Variants in PDE4B observed in about 807,000 individuals in gnomAD.
PDE4B encodes the protein 3',5'-cyclic-AMP phosphodiesterase 4B.
Under a neutral mutation model 82.2 loss-of-function variants are expected in PDE4B, and 20 were observed. That is an observed-to-expected ratio of 0.24 (90% CI 0.17 to 0.35). PDE4B has a LOEUF of 0.35. Among genes scored for constraint, PDE4B ranks in the 10% least tolerant of loss-of-function variants. The pLI is 1.00. For synonymous variants in PDE4B, 320 were observed against 318.9 expected, an observed-to-expected ratio of 1.00 and a Z score of -0.04; for missense variants, 655 against 907.2, an observed-to-expected ratio of 0.72 and a Z score of 3.57.
chr1:66,203,292 A>G (rs1451769566), intron 3 of PDE4B, among the ~76,000 whole-genome samples: 2 of 151,868 alleles, frequency 1.3e-5, no homozygotes, highest in Non-Finnish European at 2.9e-5. Flanking sequence ...TTTTTCCTTC[A>G]TTTCAACTTT....
intron 1 of PDE4B, among the ~76,000 whole-genome samples, chr1:65,823,513 G>A (rs1367916855): frequency 6.6e-6 from 1 of 151,172 alleles, no homozygotes. Flanking sequence ...TTTCCACTGC[G>A]CCTGCACTGG....
At chr1:65,938,959 C>T (rs943999066) in intron 3 of PDE4B, among the ~76,000 whole-genome samples, 1 of 151,918 alleles carries the variant, frequency 6.6e-6, no homozygotes, top group Admixed American at 6.6e-5. Context: ...AGATGGGAGC[C>T]GAGACAGAAA....
intron 3 of PDE4B, among the ~76,000 whole-genome samples, chr1:66,145,184 G>A (rs930541696): frequency 6.6e-6 from 1 of 152,174 alleles, no homozygotes; most frequent in Non-Finnish European, 1.5e-5. Flanking sequence ...GGAAGGTGAT[G>A]AGAAAACAAA....
At chr1:66,364,563 G>A (rs1006922348) in intron 12 of PDE4B, among the ~76,000 whole-genome samples, 4 of 152,156 alleles carry the variant, frequency 2.6e-5, no homozygotes, top group Admixed American at 2.6e-4. Flanking sequence ...TACAGATTCA[G>A]TTTGGAAGGT....
At chr1:65,868,181 A>G (rs2100284339) in intron 1 of PDE4B, among the ~76,000 whole-genome samples, 1 of 152,298 alleles carries the variant, frequency 6.6e-6, no homozygotes, top group Non-Finnish European at 1.5e-5. Flanking sequence ...CTCTGCTCCA[A>G]GCTGATTGCA....
At chr1:65,989,117 C>A (rs1557479883) in intron 3 of PDE4B, among the ~76,000 whole-genome samples, 1 of 152,048 alleles carries the variant, frequency 6.6e-6, no homozygotes, top group African/African-American at 2.4e-5. Flanking sequence ...GACTATATAA[C>A]TATTCAAATC....
chr1:66,372,553 G>GGA lies in PDE4B; in HGVS notation c.2090_2091dup (p.Gly698ArgfsTer14). ...AGATTCTGAAGGACCTGAGAAGGAG[G>GGA]GAGAGGGACACAGCTATTTCAGCAG... On this transcript the variant is annotated frameshift_variant, in exon 17 of 17. Coordinates refer to ENST00000341517, the MANE Select transcript of PDE4B (RefSeq NM_002600.4). LOFTEE classifies it high-confidence loss of function. 1 of 1,614,148 alleles carries GGA rather than the reference G, an allele frequency of 6.2e-7. No homozygotes were observed. Among genetic ancestry groups the GGA allele is most frequent in the Non-Finnish European group, 8.5e-7 (1 of 1,179,994 alleles).
intron 3 of PDE4B, among the ~76,000 whole-genome samples, chr1:65,999,480 T>TGG (rs1443396593): frequency 6.6e-6 from 1 of 152,184 alleles, no homozygotes; most frequent in East Asian, 1.9e-4. Context: ...TTCTTCTGCC[T>TGG]GGAAGAAAAG....
chr1:66,305,976 T>C (rs1205283825), intron 7 of PDE4B, among the ~76,000 whole-genome samples: 1 of 152,078 alleles, frequency 6.6e-6, no homozygotes, highest in Non-Finnish European at 1.5e-5. Flanking sequence ...CCCAATAGAC[T>C]GCGTTTCTGA....
At chr1:66,088,248 T>A (rs1282009570) in intron 3 of PDE4B, among the ~76,000 whole-genome samples, 2 of 152,040 alleles carry the variant, frequency 1.3e-5, no homozygotes, top group Non-Finnish European at 2.9e-5. Context: ...AGACAAGGCA[T>A]CTGTGAGAAG....
chr1:66,069,111 ACTGTGTTAACACCCTG>A (rs1289606442), intron 3 of PDE4B, among the ~76,000 whole-genome samples: 1 of 151,996 alleles, frequency 6.6e-6, no homozygotes, highest in Non-Finnish European at 1.5e-5. Context: ...CTGTTCGGTA[ACTGTGTTAACACCCTG>A]CTGTGTTCTT....
intron 3 of PDE4B, among the ~76,000 whole-genome samples, chr1:66,081,394 C>G (rs1656714662): frequency 6.6e-6 from 1 of 152,168 alleles, no homozygotes; most frequent in East Asian, 1.9e-4. Flanking sequence ...CCCAAACATT[C>G]TGAGGTCTAC....
chr1:66,057,388 C>G (rs900951006), intron 3 of PDE4B, among the ~76,000 whole-genome samples: 1 of 152,142 alleles, frequency 6.6e-6, no homozygotes, highest in Non-Finnish European at 1.5e-5. Context: ...GGATAAGGGC[C>G]TCTTTCTTTC....
intron 1 of PDE4B, among the ~76,000 whole-genome samples, chr1:65,821,797 A>C (rs2101245158): frequency 6.6e-6 from 1 of 152,328 alleles, no homozygotes; most frequent in Non-Finnish European, 1.5e-5. Flanking sequence ...AGTCTTTAAA[A>C]AATGTCACCC....
At chr1:66,171,487 G>T (rs750809142) in intron 3 of PDE4B, among the ~76,000 whole-genome samples, 3 of 152,030 alleles carry the variant, frequency 2.0e-5, no homozygotes, top group African/African-American at 7.2e-5. Flanking sequence ...TCTTTAAAAA[G>T]AATATATTAA....
chr1:66,011,320 ATATT>A (rs944696525), intron 3 of PDE4B, among the ~76,000 whole-genome samples: 1 of 151,826 alleles, frequency 6.6e-6, no homozygotes, highest in African/African-American at 2.4e-5. Flanking sequence ...TAATAAGTGA[ATATT>A]TATTCTTTAA....
At chr1:66,348,145 T>C (rs771264485) in intron 8 of PDE4B, among the ~76,000 whole-genome samples, 47 of 152,326 alleles carry the variant, frequency 3.1e-4, no homozygotes, top group Non-Finnish European at 5.7e-4. Context: ...AAATAAACCT[T>C]TGTCATCTAC....
chr1:66,327,775 G>A (rs942425779), intron 7 of PDE4B, among the ~76,000 whole-genome samples: 7 of 152,178 alleles, frequency 4.6e-5, no homozygotes, highest in Admixed American at 3.3e-4. Flanking sequence ...GATCAGAAAA[G>A]GGAAGTGGAG....
At position 65,997,478 on chromosome 1, in the gene PDE4B, G is replaced by GA. The variant is rs530658012; in HGVS notation, c.281+78651dup. Among the ~76,000 whole-genome samples, 5 of 151,698 alleles carry GA rather than the reference G, an allele frequency of 3.3e-5. No individual in the cohort carries two copies. In the East Asian group the frequency reaches 7.7e-4, roughly 23 times the overall value. ...CAACACTGGATTAAGTGGAGAATAGGAAAAAAAACAGTGAATATGGCATAT... is the reference window on the plus strand; with the variant it reads ...CAACACTGGATTAAGTGGAGAATAGGAAAAAAAAACAGTGAATATGGCATAT... On this transcript the variant is annotated intron_variant, in intron 3 of 16. Transcript: ENST00000341517.
Sources: gnomAD v4.1 joint callset for allele counts (sites outside exome capture counted in the v4.1 genomes callset) on GRCh38, gnomAD v4.1.1 for gene constraint, MANE v1.5 for transcripts, NCBI Gene and HGNC (gene_info 2026-07-23, HGNC 2026-07-21) for gene names.